PRR5L: variants seen among roughly 807,000 people sequenced by gnomAD.
PRR5L encodes the protein proline rich 5 like.
Under a neutral mutation model 36.4 loss-of-function variants are expected in PRR5L, and 21 were observed. That is an observed-to-expected ratio of 0.58 (90% CI 0.41 to 0.83). PRR5L has a LOEUF of 0.83. PRR5L is among the 40% of genes least tolerant of loss of function. The pLI is 0.00. For missense variants in PRR5L, 381 were observed against 473.3 expected, an observed-to-expected ratio of 0.80 and a Z score of 1.81; for synonymous variants, 188 against 197.0, an observed-to-expected ratio of 0.95 and a Z score of 0.38.
At chr11:36,438,178 G>T (rs1290886769) in intron 6 of PRR5L, among the ~76,000 whole-genome samples, 4 of 152,128 alleles carry the variant, frequency 2.6e-5, no homozygotes, top group African/African-American at 9.7e-5. Context: ...TACCACGATG[G>T]TCACTGCCAG....
At chr11:36,443,078 T>C (rs1858756825) in intron 6 of PRR5L, among the ~76,000 whole-genome samples, 1 of 152,186 alleles carries the variant, frequency 6.6e-6, no homozygotes, top group Non-Finnish European at 1.5e-5. Context: ...GTAATTTATT[T>C]ATTTAAAAAA....
chr11:36,401,276 C>A lies in PRR5L; in HGVS notation c.155C>A (p.Ala52Asp). The A allele has an allele frequency of 6.2e-7, 1 of 1,611,160 alleles. No homozygotes were observed. The change falls in exon 2 of 9, where the codon GCC (alanine) becomes GAC (aspartate). Residue 52 changes from alanine to aspartate, a missense_variant. Coordinates refer to ENST00000530639, the MANE Select transcript of PRR5L (RefSeq NM_001160167.2). ...RQALQLSSSS[A>D]WNSVQTAVIN... The stretch of plus-strand genomic sequence containing the variant: ...GCTCTGCAGCTGAGCTCCAGCTCAG[C>A]CTGGAACAGGTGAAGGAGGCTGCAG...
intron 1 of PRR5L, among the ~76,000 whole-genome samples, chr11:36,302,580 G>A (rs1198319066): frequency 6.6e-6 from 1 of 152,096 alleles, no homozygotes; most frequent in African/African-American, 2.4e-5. Context: ...GAGCTCAGGA[G>A]TTCGAGACCA....
intron 8 of PRR5L, 84 bp downstream of exon 8, chr11:36,451,419 A>T: frequency 6.6e-7 from 1 of 1,504,156 alleles, no homozygotes; most frequent in East Asian, 2.3e-5. Flanking sequence ...TTAACTGAGC[A>T]CTGATACCAG....
At position 36,377,974 on chromosome 11, in the gene PRR5L, A is replaced by G. The variant is rs1054682668; in HGVS notation, c.-125-23023A>G. ...AGGACCAAAGGGATGCCACCGGCCC[A>G]ATGTACTGCCTTCATCCCCCACCAT... On this transcript the variant is annotated intron_variant, in intron 1 of 8. Coordinates refer to ENST00000530639, the MANE Select transcript of PRR5L (RefSeq NM_001160167.2). This position sits in a 1 kb window ranked among gnomAD's most constrained non-coding sequence, Gnocchi z 5.1. Among the ~76,000 whole-genome samples the G allele has an allele frequency of 3.9e-5, 6 of 152,100 alleles. No homozygotes were observed. The highest frequency in any genetic ancestry group is 4.8e-5 in the African/African-American group (2 of 41,404).
intron 1 of PRR5L, among the ~76,000 whole-genome samples, chr11:36,352,962 T>G (rs1003017168): frequency 2.6e-5 from 4 of 152,200 alleles, no homozygotes; most frequent in African/African-American, 9.7e-5. Context: ...CCCACTTGAC[T>G]GAGAAGGATG....
intron 3 of PRR5L, among the ~76,000 whole-genome samples, chr11:36,415,740 T>G (rs965189218): frequency 1.3e-5 from 2 of 151,844 alleles, no homozygotes; most frequent in African/African-American, 4.9e-5. Context: ...TGCAACTCTG[T>G]CTCAATAAAA....
At chr11:36,388,470 A>G (rs192604648) in intron 1 of PRR5L, among the ~76,000 whole-genome samples, 35 of 152,334 alleles carry the variant, frequency 2.3e-4, no homozygotes, top group Non-Finnish European at 4.0e-4. Flanking sequence ...CAAAAAGTCC[A>G]AAAGGGCTTA....
At chr11:36,320,610 T>C (rs1359163262) in intron 1 of PRR5L, among the ~76,000 whole-genome samples, 7 of 152,234 alleles carry the variant, frequency 4.6e-5, no homozygotes. Flanking sequence ...TTTCCTCATC[T>C]GCTGTAAGCC....
intron 1 of PRR5L, among the ~76,000 whole-genome samples, chr11:36,400,715 A>G (rs1260497407): frequency 6.6e-6 from 1 of 152,220 alleles, no homozygotes; most frequent in Non-Finnish European, 1.5e-5. Context: ...TGATGGCTGC[A>G]TATTGGAACC....
At chr11:36,321,100 T>A (rs558329298) in intron 1 of PRR5L, 34 of 152,356 alleles carry the variant, frequency 2.2e-4, no homozygotes, top group Non-Finnish European at 4.1e-4. Flanking sequence ...AGGCCTATTT[T>A]AAAAATATTT....
chr11:36,326,312 C>T (rs999122150), intron 1 of PRR5L, among the ~76,000 whole-genome samples: 4 of 147,688 alleles, frequency 2.7e-5, no homozygotes, highest in Non-Finnish European at 6.0e-5. Flanking sequence ...TACACACACA[C>T]ACACACACAC....
intron 3 of PRR5L, among the ~76,000 whole-genome samples, chr11:36,408,678 G>T (rs904536810): frequency 2.0e-5 from 3 of 152,112 alleles, no homozygotes; most frequent in Admixed American, 6.6e-5. Context: ...TAGAGGTTTG[G>T]GTTTCATGAG....
At chr11:36,393,104 C>A (rs993190615) in intron 1 of PRR5L, among the ~76,000 whole-genome samples, 3 of 152,276 alleles carry the variant, frequency 2.0e-5, no homozygotes, top group South Asian at 4.1e-4. Context: ...GGATAGTTTG[C>A]AAATATTTTC....
At chr11:36,384,209 T>C (rs1857418480) in intron 1 of PRR5L, among the ~76,000 whole-genome samples, 3 of 152,236 alleles carry the variant, frequency 2.0e-5, no homozygotes, top group Admixed American at 2.0e-4. Flanking sequence ...AGGCCCCATA[T>C]TCTTTAGTGT....
chr11:36,314,614 G>C (rs1442554192), intron 1 of PRR5L, among the ~76,000 whole-genome samples: 1 of 152,110 alleles, frequency 6.6e-6, no homozygotes, highest in Non-Finnish European at 1.5e-5. Flanking sequence ...CTGCCTCTGG[G>C]GAACTTCAAA....
intron 1 of PRR5L, among the ~76,000 whole-genome samples, chr11:36,390,897 G>A (rs1236560982): frequency 6.6e-6 from 1 of 152,206 alleles, no homozygotes; most frequent in Non-Finnish European, 1.5e-5. Flanking sequence ...CATTCTGACT[G>A]CAATTAGAGA....
chr11:36,391,612 T>A (rs1857565486), intron 1 of PRR5L, among the ~76,000 whole-genome samples: 1 of 152,172 alleles, frequency 6.6e-6, no homozygotes, highest in African/African-American at 2.4e-5. Flanking sequence ...ATGGCATTGG[T>A]CCTTCCGAAA....
chr11:36,428,072 A>T (rs1344391333), intron 4 of PRR5L, among the ~76,000 whole-genome samples: 1 of 152,184 alleles, frequency 6.6e-6, no homozygotes, highest in Non-Finnish European at 1.5e-5. Context: ...TCCCCACAAC[A>T]TTGCAGGGTG....
Sources: allele counts gnomAD v4.1 joint callset (sites outside exome capture counted in the v4.1 genomes callset), GRCh38; gene constraint gnomAD v4.1.1; non-coding constraint Gnocchi (gnomAD v3.1); transcripts MANE v1.5; gene names NCBI Gene and HGNC (gene_info 2026-07-23, HGNC 2026-07-21).